LARGE1: variants seen among roughly 807,000 people sequenced by gnomAD.
LARGE1 encodes the protein xylosyl- and glucuronyltransferase LARGE1.
A neutral mutation model predicts 87.6 loss-of-function variants in LARGE1; 43 were observed. The ratio of observed to expected loss-of-function variants is 0.49; its 90% CI spans 0.38 to 0.63. The LOEUF (loss-of-function observed/expected upper bound fraction) is 0.63, where lower values mean the gene tolerates loss of function less well. Among genes scored for constraint, LARGE1 ranks in the 30% least tolerant of loss-of-function variants. The probability of loss-of-function intolerance (pLI) is 0.00; values close to 1 mark genes in which losing one functional copy is unlikely to be tolerated. For synonymous variants in LARGE1, 434 were observed against 394.6 expected, an observed-to-expected ratio of 1.10 and a Z score of -1.18; for missense variants, 802 against 1,000.2, an observed-to-expected ratio of 0.80 and a Z score of 2.67.
At chr22:33,494,888 C>G (rs1183078433) in intron 6 of LARGE1, among the ~76,000 whole-genome samples, 2 of 152,198 alleles carry the variant, frequency 1.3e-5, no homozygotes, top group Non-Finnish European at 2.9e-5. Flanking sequence ...TGGGAGAGGG[C>G]AGGCAACTCT....
chr22:33,833,322 T>C (rs1480842737), intron 1 of LARGE1, among the ~76,000 whole-genome samples: 5 of 152,182 alleles, frequency 3.3e-5, no homozygotes, highest in Non-Finnish European at 7.3e-5. Flanking sequence ...TACCTAAGAA[T>C]ATGATTGTAT....
At chr22:33,614,679 C>A (rs1296452413) in intron 4 of LARGE1, among the ~76,000 whole-genome samples, 1 of 152,176 alleles carries the variant, frequency 6.6e-6, no homozygotes, top group Non-Finnish European at 1.5e-5. Flanking sequence ...TCCAACGCAG[C>A]CCCATCTCCC....
intron 1 of LARGE1, among the ~76,000 whole-genome samples, chr22:33,878,578 T>C (rs768034052): frequency 6.6e-6 from 1 of 152,328 alleles, no homozygotes; most frequent in East Asian, 1.9e-4. Flanking sequence ...ATTAACTTCA[T>C]GGATGTAGAA....
chr22:33,701,274 G>A (rs1348381272), intron 2 of LARGE1, among the ~76,000 whole-genome samples: 1 of 152,202 alleles, frequency 6.6e-6, no homozygotes, highest in East Asian at 1.9e-4. Context: ...CAGATGGAAA[G>A]GAAAATGGGA....
chr22:33,353,662 T>C (rs1940617174), intron 9 of LARGE1, among the ~76,000 whole-genome samples: 1 of 152,334 alleles, frequency 6.6e-6, no homozygotes, highest in Middle Eastern at 3.4e-3. Flanking sequence ...AATGACTTTT[T>C]TTGTGAGCAC....
At chr22:33,606,418 A>AAAATAAAATG (rs1159454742) in intron 4 of LARGE1, among the ~76,000 whole-genome samples, 2 of 47,480 alleles carry the variant, frequency 4.2e-5, no homozygotes, top group Non-Finnish European at 7.7e-5. Flanking sequence ...ATAAATAAAT[A>AAAATAAAATG]AAATAAAATG....
chr22:33,491,500 A>G (rs2069839924), intron 6 of LARGE1, among the ~76,000 whole-genome samples: 1 of 152,164 alleles, frequency 6.6e-6, no homozygotes, highest in South Asian at 2.1e-4. Flanking sequence ...TTAAAAGACA[A>G]TGCTCGACGC....
At chr22:33,914,659 T>C (rs980687186) in intron 1 of LARGE1, among the ~76,000 whole-genome samples, 3 of 152,184 alleles carry the variant, frequency 2.0e-5, no homozygotes, top group Non-Finnish European at 4.4e-5. Flanking sequence ...CAGTGCTTTA[T>C]ATTTCAAGGA....
At chr22:33,808,126 A>T (rs1449041062) in intron 1 of LARGE1, among the ~76,000 whole-genome samples, 1 of 152,208 alleles carries the variant, frequency 6.6e-6, no homozygotes, top group Non-Finnish European at 1.5e-5. Flanking sequence ...GACAGCAACA[A>T]ATGAGAGTTC....
rs386395258 is a variant in LARGE1 at position 33,205,948 on chromosome 22, C to CTTTTTTTT, written c.1731-39124_1731-39117dup. Among the ~76,000 whole-genome samples, 354 of 84,938 alleles carry CTTTTTTTT rather than the reference C, an allele frequency of 4.2e-3. 4 individuals carry two copies. The highest frequency in any genetic ancestry group is 6.0e-3 in the Non-Finnish European group (277 of 46,066). 55.7% of individuals were successfully genotyped at this position (84,938 alleles called of 152,430 possible). A position where few individuals can be genotyped will look rare whatever the true frequency, so the allele number is the denominator to read the frequency against. On this transcript the variant is annotated intron_variant, in intron 11 of 11. Coordinates refer to the LARGE1 transcript ENST00000608642. ...TGCCCACTACCATGCCATGCTAATTCTTTTTTTTTTTTTTTTTTTTTTGTG... is the reference window on the plus strand; with the variant it reads ...TGCCCACTACCATGCCATGCTAATTCTTTTTTTTTTTTTTTTTTTTTTTTTTTTTTGTG...
At chr22:33,087,243 A>G in the LARGE1 span, among the ~76,000 whole-genome samples, 9 of 151,864 alleles carry the variant, frequency 5.9e-5, no homozygotes, top group Admixed American at 5.9e-4. Context: ...AAATTTGTCC[A>G]TATTTATTTT....
intron 12 of LARGE1, among the ~76,000 whole-genome samples, chr22:33,295,011 C>T (rs1733575597): frequency 6.6e-6 from 1 of 152,166 alleles, no homozygotes; most frequent in South Asian, 2.1e-4. Flanking sequence ...TTATCTTTGA[C>T]TAGGTTGTCC....
At chr22:33,646,432 T>C (rs1374871919) in intron 3 of LARGE1, among the ~76,000 whole-genome samples, 1 of 151,942 alleles carries the variant, frequency 6.6e-6, no homozygotes, top group Non-Finnish European at 1.5e-5. Flanking sequence ...CTGGGACCTG[T>C]TGAGGGGCGG....
chr22:33,271,446 T>C (rs1928238989), downstream of LARGE1, among the ~76,000 whole-genome samples: 1 of 152,234 alleles, frequency 6.6e-6, no homozygotes, highest in Admixed American at 6.5e-5. Context: ...AACTCATGCC[T>C]GCCAAAGGCT....
chr22:33,789,742 T>C (rs2085763388), intron 1 of LARGE1, among the ~76,000 whole-genome samples: 1 of 152,210 alleles, frequency 6.6e-6, no homozygotes, highest in South Asian at 2.1e-4. Context: ...ATTTCGGACA[T>C]ACACAGGGCC....
rs562649333 is a variant in LARGE1 at position 33,661,495 on chromosome 22, G to A, written c.107-10827C>T. On this transcript the variant is annotated intron_variant, in intron 2 of 14. Coordinates refer to ENST00000397394, the MANE Select transcript of LARGE1 (RefSeq NM_133642.5). ...CTCCCAAAGTGCTGGGATTACAGAT[G>A]TGAGCTTCCGCACCTGGCATTTCTG... Among the ~76,000 whole-genome samples the A allele has an allele frequency of 2.0e-5, 3 of 152,030 alleles. No individual in the cohort carries two copies. In the South Asian group the frequency reaches 6.2e-4, roughly 32 times the overall value.
chr22:33,510,247 G>A (rs1456083569), intron 6 of LARGE1, among the ~76,000 whole-genome samples: 5 of 152,202 alleles, frequency 3.3e-5, no homozygotes, highest in Admixed American at 2.0e-4. Flanking sequence ...AGGGGGTAGT[G>A]GTGATGACAG....
intron 6 of LARGE1, among the ~76,000 whole-genome samples, chr22:33,479,177 G>A (rs890142683): frequency 6.6e-6 from 1 of 152,192 alleles, no homozygotes; most frequent in Non-Finnish European, 1.5e-5. Flanking sequence ...ACCCCTTGAT[G>A]CTGCCCTGGG....
intron 1 of LARGE1, among the ~76,000 whole-genome samples, chr22:33,904,132 C>G (rs1246433238): frequency 6.6e-6 from 1 of 152,144 alleles, no homozygotes; most frequent in Non-Finnish European, 1.5e-5. Context: ...CTGACTTCCT[C>G]CTACCAGCTC....
Sources: allele counts gnomAD v4.1 joint callset (sites outside exome capture counted in the v4.1 genomes callset), GRCh38; gene constraint gnomAD v4.1.1; transcripts MANE v1.5; gene names NCBI Gene and HGNC (gene_info 2026-07-23, HGNC 2026-07-21).